The following TEX19 variants were observed in gnomAD, a reference collection of about 807,000 sequenced individuals.
TEX19 encodes the protein testis-expressed protein 19.
For synonymous variants in TEX19, 77 were observed against 73.9 expected (o/e 1.04, Z -0.21); for missense variants, 184 against 194.4 (o/e 0.95, Z 0.32).
chr17:82,362,059 T>C lies in TEX19; in HGVS notation c.-92T>C. The C allele has an allele frequency of 6.7e-7, 1 of 1,484,884 alleles. No homozygotes were observed. The highest frequency in any genetic ancestry group is 9.0e-7 in the Non-Finnish European group (1 of 1,111,416). 92.0% of individuals were successfully genotyped at this position (1,484,884 alleles called of 1,614,324 possible). On this transcript the variant is annotated 5_prime_UTR_variant, in exon 2 of 2. Coordinates refer to ENST00000333437, the MANE Select transcript of TEX19 (RefSeq NM_207459.4). This position sits in a 1 kb window ranked among gnomAD's most constrained non-coding sequence, Gnocchi z 5.5. Reference sequence around the variant, plus strand: ...CCTTCATCCCTGCCGCCCAGCATCCTACTGGCCTCAGCACCTGTGGCCAGA... The same window carrying C: ...CCTTCATCCCTGCCGCCCAGCATCCCACTGGCCTCAGCACCTGTGGCCAGA...
At chr17:82,360,788 GTTCCCCCAGT>G (rs2052382177) in intron 1 of TEX19, among the ~76,000 whole-genome samples, 1 of 45,912 alleles carries the variant, frequency 2.2e-5, no homozygotes. Context: ...TTTCCCTCAG[GTTCCCCCAGT>G]TTCCCTCAGG....
At chr17:82,359,736 T>C in intron 1 of TEX19, among the ~76,000 whole-genome samples, 1 of 132,500 alleles carries the variant, frequency 7.5e-6, no homozygotes, top group Non-Finnish European at 1.6e-5. Context: ...TCCCTCAGTT[T>C]CCCTCAGGTT....
rs1188585415 is a variant in TEX19 at position 82,362,086 on chromosome 17, C to T, written c.-65C>T. 9.1e-6 allele frequency: 14 copies of T among 1,540,418 alleles called. No individual in the cohort carries two copies. In the Admixed American group the frequency reaches 9.5e-5, roughly 10 times the overall value. ...CTGGCCTCAGCACCTGTGGCCAGAC[C>T]GTCCAAGATCCTCTGAAGGCCCAGC... On this transcript the variant is annotated 5_prime_UTR_variant, in exon 2 of 2. Coordinates refer to ENST00000333437, the MANE Select transcript of TEX19 (RefSeq NM_207459.4). The surrounding 1 kb of genome is among the most constrained non-coding windows in gnomAD (Gnocchi z 5.5).
intron 1 of TEX19, among the ~76,000 whole-genome samples, chr17:82,361,136 C>T (rs1468570718): frequency 7.5e-6 from 1 of 134,136 alleles, no homozygotes. Context: ...CAATTTCCAT[C>T]AGGTCCCCTC....
At chr17:82,360,651 T>C (rs146232013) in intron 1 of TEX19, among the ~76,000 whole-genome samples, 14,336 of 81,748 alleles carry the variant, frequency 0.18, 2,355 homozygotes, top group South Asian at 0.36. Context: ...CCAGTTTCCC[T>C]CAGGTTCCCT....
rs1259349893 is a variant in TEX19, at chr17:82,362,271, G to T, written c.121G>T (p.Ala41Ser). 1 of 1,614,088 alleles carries T rather than the reference G, an allele frequency of 6.2e-7. No homozygotes were observed. Among genetic ancestry groups the T allele is most frequent in the East Asian group, 2.2e-5 (1 of 44,886 alleles). The change falls in exon 2 of 2, where the codon GCC (alanine) becomes TCC (serine). Residue 41 changes from alanine to serine, a missense_variant. Physicochemically the swap from Ala to Ser is moderately conservative, Grantham distance 99 (BLOSUM62 1). Transcript: ENST00000333437. This position sits in a 1 kb window ranked among gnomAD's most constrained non-coding sequence, Gnocchi z 5.5. ...CATTTGCTTCACCTGCTTCAAGGCT[G>T]CCTTTCTAGACTTTAAAGACTTGCT... ...LSICFTCFKA[A>S]FLDFKDLLES...
In TEX19 at chr17:82,362,922, ATGC is replaced by A. The variant is rs1279530251; in HGVS notation, c.*280_*282del. On this transcript the variant is annotated 3_prime_UTR_variant, in exon 2 of 2. Coordinates refer to ENST00000333437, the MANE Select transcript of TEX19 (RefSeq NM_207459.4). This position sits in a 1 kb window ranked among gnomAD's most constrained non-coding sequence, Gnocchi z 5.5. ...CCAAGAGCAGGACCTGCACTGGTGG[ATGC>A]TGAGCATTCTAGAAACATCGTTAAC... 1 of 411,088 alleles carries A rather than the reference ATGC, an allele frequency of 2.4e-6. No homozygotes were observed. The highest frequency in any genetic ancestry group is 4.5e-6 in the Non-Finnish European group (1 of 223,322). 25.5% of individuals were successfully genotyped at this position (411,088 alleles called of 1,614,324 possible).
rs72085000 is a variant in TEX19, at chr17:82,359,632, TTTCCCTCAGC to T, written c.-272+357_-272+366del. On this transcript the variant is annotated intron_variant, in intron 1 of 1. Transcript: ENST00000333437. The stretch of plus-strand genomic sequence containing the variant: ...TCAGGTTCCCCCAGTTTCCCTCAAG[TTTCCCTCAGC>T]TTCCCTCAGGTTCCCCCAGTTTCCC... 3.8e-3 allele frequency among the ~76,000 whole-genome samples: 519 copies of T among 135,488 alleles called. 8 individuals are homozygous for T. The highest frequency in any genetic ancestry group is 0.01 in the African/African-American group (348 of 33,874). The allele number at this position is 135,488 out of a possible 152,430, so 88.9% of individuals were successfully genotyped here.
intron 1 of TEX19, among the ~76,000 whole-genome samples, chr17:82,360,308 CCAGTTTCCCTCAGGTTCCCT>C (rs2052374392): frequency 9.4e-6 from 1 of 106,692 alleles, no homozygotes. Flanking sequence ...TCAGGTTCCC[CCAGTTTCCCTCAGGTTCCCT>C]CAGTTTCCCT....
At chr17:82,359,503 C>T (rs554908536) in intron 1 of TEX19, among the ~76,000 whole-genome samples, 2 of 125,352 alleles carry the variant, frequency 1.6e-5, no homozygotes, top group Non-Finnish European at 1.7e-5. Flanking sequence ...CTCAAGTTTC[C>T]CTCAGTTTCC....
In TEX19 at chr17:82,362,216, G is replaced by A. The variant is rs185078297; in HGVS notation, c.66G>A (p.Met22Ile). ...TGTCCTACCTCTACGCCTCCTGGAT[G>A]TATCAGCTTCAACATGGAGATCAGC... ...EGMSYLYASW[M>I]YQLQHGDQLS... Residue 22 changes from methionine to isoleucine, a missense_variant, in exon 2 of 2, where the codon ATG becomes ATA. By Grantham distance (10) the Met-to-Ile change is conservative. Coordinates refer to ENST00000333437, the MANE Select transcript of TEX19 (RefSeq NM_207459.4). The surrounding 1 kb of genome is among the most constrained non-coding windows in gnomAD (Gnocchi z 5.5). 3.1e-6 allele frequency: 5 copies of A among 1,613,764 alleles called. No individual in the cohort carries two copies. Among genetic ancestry groups the A allele is most frequent in the East Asian group, 4.5e-5 (2 of 44,890 alleles).
rs1439488130 is a variant in TEX19, at chr17:82,362,642, A to G, written c.492A>G (p.Ser164=). The change falls in exon 2 of 2, where the codon TCA becomes TCG. Residue 164 remains serine (S), a synonymous_variant. Transcript: ENST00000333437. This position sits in a 1 kb window ranked among gnomAD's most constrained non-coding sequence, Gnocchi z 5.5. ...CACACTGGCCAAGCTTCTTTCCTTC[A>G]TAGCAGGGGTTTCTCAAAGTGGACC... The part of the protein sequence containing the change: ...TCSHWPSFFP[S] 14 of 1,534,240 alleles carry G rather than the reference A, an allele frequency of 9.1e-6. No individual in the cohort carries two copies. Among genetic ancestry groups the G allele is most frequent in the Non-Finnish European group, 1.2e-5 (14 of 1,145,800 alleles).
intron 1 of TEX19, chr17:82,361,599 G>T: frequency 1.0e-6 from 1 of 984,022 alleles, no homozygotes; most frequent in African/African-American, 1.8e-5. Flanking sequence ...ATTTCCATCA[G>T]GTCCCCTCAG....
In TEX19 at chr17:82,362,456, C is replaced by T. The variant is rs762128279; in HGVS notation, c.306C>T (p.Thr102=). ...QGGSEAWGPG[T]LAAAPEGLED... The stretch of plus-strand genomic sequence containing the variant: ...GCTCTGAGGCATGGGGGCCAGGGAC[C>T]CTGGCAGCAGCCCCAGAAGGGTTGG... The change falls in exon 2 of 2, where the codon ACC becomes ACT. Residue 102 remains threonine, a synonymous_variant. Transcript: ENST00000333437. This position sits in a 1 kb window ranked among gnomAD's most constrained non-coding sequence, Gnocchi z 5.5. The T allele has an allele frequency of 5.0e-6, 8 of 1,612,648 alleles. No homozygotes were observed. In the Admixed American group the frequency reaches 1.3e-4, roughly 27 times the overall value.
chr17:82,361,878 A>C lies in TEX19; in HGVS notation c.-271-2A>C. 2.7e-6 allele frequency: 2 copies of C among 749,506 alleles called. No individual in the cohort carries two copies. The highest frequency in any genetic ancestry group is 3.7e-6 in the Non-Finnish European group (2 of 539,244). 46.4% of individuals were successfully genotyped at this position (749,506 alleles called of 1,614,324 possible). A position where few individuals can be genotyped will look rare whatever the true frequency, so the allele number is the denominator to read the frequency against. On this transcript the variant is annotated splice_acceptor_variant, in intron 1 of 1. Transcript: ENST00000333437. LOFTEE classifies it low-confidence loss of function (5UTR_SPLICE). ...CTAACCTCCCTTCCTTTGCCTTTCCAGCTCTCCTGAGACCACAGCAACTGC... is the reference window on the plus strand; with the variant it reads ...CTAACCTCCCTTCCTTTGCCTTTCCCGCTCTCCTGAGACCACAGCAACTGC...
chr17:82,362,704 T>C lies in TEX19; in HGVS notation c.*59T>C, dbSNP rs2052406440. ...GAGCCCGTGGTGTTGAAGCTGGGCATTACCTGGGCAGTGGACCCTGCCGAG... is the reference window on the plus strand; with the variant it reads ...GAGCCCGTGGTGTTGAAGCTGGGCACTACCTGGGCAGTGGACCCTGCCGAG... On this transcript the variant is annotated 3_prime_UTR_variant, in exon 2 of 2. Coordinates refer to ENST00000333437, the MANE Select transcript of TEX19 (RefSeq NM_207459.4). This position sits in a 1 kb window ranked among gnomAD's most constrained non-coding sequence, Gnocchi z 5.5. 1 of 1,513,876 alleles carries C rather than the reference T, an allele frequency of 6.6e-7. No homozygotes were observed. 93.8% of individuals were successfully genotyped at this position (1,513,876 alleles called of 1,614,324 possible). A position where few individuals can be genotyped will look rare whatever the true frequency, so the allele number is the denominator to read the frequency against.
Position 82,362,163 on chromosome 17 carries a change from G to A in TEX19, c.13G>A (p.Val5Ile). The change falls in exon 2 of 2, where the codon GTC becomes ATC. Residue 5 changes from valine to isoleucine, a missense_variant. Coordinates refer to ENST00000333437, the MANE Select transcript of TEX19 (RefSeq NM_207459.4). The surrounding 1 kb of genome is among the most constrained non-coding windows in gnomAD (Gnocchi z 5.5). Reference sequence around the variant, plus strand: ...AGGCAGCCTGGCCATGTGCCCTCCGGTCAGCATGCGGTATGAGGAAGAGGG... The same window carrying A: ...AGGCAGCCTGGCCATGTGCCCTCCGATCAGCATGCGGTATGAGGAAGAGGG... Reference protein sequence around the residue: MCPPVSMRYEEEGMS... With the variant: MCPPISMRYEEEGMS... 1 of 1,608,638 alleles carries A rather than the reference G, an allele frequency of 6.2e-7. No homozygotes were observed. The highest frequency in any genetic ancestry group is 8.5e-7 in the Non-Finnish European group (1 of 1,177,692).
At chr17:82,361,844 TG>T in intron 1 of TEX19, 35 bp from the exon 2 acceptor site, 2 of 978,996 alleles carry the variant, frequency 2.0e-6, no homozygotes, top group Non-Finnish European at 2.6e-6. Flanking sequence ...CCCTGCCTGC[TG>T]GGGGTGCCTA....
chr17:82,362,383 G>T lies in TEX19; in HGVS notation c.233G>T (p.Gly78Val), dbSNP rs1302721754. 1.9e-6 allele frequency: 3 copies of T among 1,613,242 alleles called. No individual in the cohort carries two copies. The highest frequency in any genetic ancestry group is 2.5e-6 in the Non-Finnish European group (3 of 1,180,014). Residue 78 changes from glycine (G) to valine (V), a missense_variant, in exon 2 of 2, where the codon GGG becomes GTG. Physicochemically the swap from Gly to Val is moderately radical, Grantham distance 109 (BLOSUM62 -3). Transcript: ENST00000333437. The surrounding 1 kb of genome is among the most constrained non-coding windows in gnomAD (Gnocchi z 5.5). ...GAGTCAGAGCAGGAGGGGTCCTCAG[G>T]GATGGAGCTGAGCTGGGGGCAGAGC... ...EAESEQEGSS[G>V]MELSWGQSPG...
Sources: gnomAD v4.1 joint callset for allele counts (sites outside exome capture counted in the v4.1 genomes callset) on GRCh38, gnomAD v4.1.1 for gene constraint, Gnocchi (gnomAD v3.1) non-coding constraint, MANE v1.5 for transcripts, NCBI Gene and HGNC (gene_info 2026-07-23, HGNC 2026-07-21) for gene names.